Variants in TENM2 observed in about 807,000 individuals in gnomAD.
The protein encoded by TENM2 is teneurin transmembrane protein 2.
TENM2 carries 52 observed loss-of-function variants against 245.2 expected under a neutral mutation model. The observed-to-expected ratio is 0.21, with a 90% CI of 0.17 to 0.27. The LOEUF is 0.27. TENM2 is among the 10% of genes least tolerant of loss of function. The probability of loss-of-function intolerance (pLI) is 1.00; values close to 1 mark genes in which losing one functional copy is unlikely to be tolerated. For synonymous variants in TENM2, 1,363 were observed against 1,438.9 expected, an observed-to-expected ratio of 0.95 and a Z score of 1.19; for missense variants, 3,046 against 3,666.8, an observed-to-expected ratio of 0.83 and a Z score of 4.37.
intron 2 of TENM2, among the ~76,000 whole-genome samples, chr5:167,419,473 TA>T (rs1213946222): frequency 2.0e-5 from 3 of 151,976 alleles, no homozygotes; most frequent in Non-Finnish European, 4.4e-5. Flanking sequence ...AGTAAATAAA[TA>T]AATATAGATA....
chr5:167,327,588 A>T (rs1757165127), intron 1 of TENM2, among the ~76,000 whole-genome samples: 1 of 152,348 alleles, frequency 6.6e-6, no homozygotes, highest in Admixed American at 6.5e-5. Flanking sequence ...CCTTAGAGAC[A>T]GCATGTTCAG....
chr5:167,970,345 T>C (rs1781685891), intron 4 of TENM2, among the ~76,000 whole-genome samples: 1 of 152,206 alleles, frequency 6.6e-6, no homozygotes, highest in Admixed American at 6.5e-5. Context: ...TTTTAAGCTA[T>C]CATCTTCTTT....
chr5:168,214,994 C>T, intron 20 of TENM2, 46 bp from the exon 23 acceptor site: 1 of 1,537,320 alleles, frequency 6.5e-7, no homozygotes, highest in Non-Finnish European at 9.0e-7. Flanking sequence ...AGGAGGCCAG[C>T]TCCATAGCCC....
chr5:167,887,786 A>C (rs992372254), intron 3 of TENM2, among the ~76,000 whole-genome samples: 2 of 152,228 alleles, frequency 1.3e-5, no homozygotes, highest in African/African-American at 4.8e-5. Context: ...ACCACGAACT[A>C]GGTGGCTGAA....
At chr5:168,232,928 T>G (rs1200635201) in intron 25 of TENM2, among the ~76,000 whole-genome samples, 2 of 152,190 alleles carry the variant, frequency 1.3e-5, no homozygotes, top group Non-Finnish European at 1.5e-5. Flanking sequence ...GGGAAGATTT[T>G]CATTATGCCT....
At chr5:167,696,351 C>T (rs1757767415) in intron 2 of TENM2, among the ~76,000 whole-genome samples, 1 of 152,134 alleles carries the variant, frequency 6.6e-6, no homozygotes. Context: ...TCAAAGCCAG[C>T]CAAGGTATAA....
chr5:167,872,347 A>G (rs935185653), intron 2 of TENM2, among the ~76,000 whole-genome samples: 2 of 139,522 alleles, frequency 1.4e-5, no homozygotes, highest in African/African-American at 2.8e-5. Flanking sequence ...AGAAAGAAAG[A>G]AAGAAAGGAA....
intron 2 of TENM2, among the ~76,000 whole-genome samples, chr5:167,673,165 T>G (rs1756077417): frequency 6.6e-6 from 1 of 152,104 alleles, no homozygotes; most frequent in Non-Finnish European, 1.5e-5. Flanking sequence ...TACCTGTAGG[T>G]AAGACTCCAT....
At position 167,609,506 on chromosome 5, in the gene TENM2, AAAAAAAC is replaced by A. The variant is rs1303615824; in HGVS notation, c.502+234038_502+234044del. On this transcript the variant is annotated intron_variant, in intron 2 of 28. Coordinates refer to ENST00000518659, the Ensembl canonical transcript of TENM2. ...GATGATGCAAAAAAAAAAAAAAAAA[AAAAAAAC>A]AAAACCTTACCTAGAAGGTTTTTTA... 4.5e-3 allele frequency among the ~76,000 whole-genome samples: 650 copies of A among 143,892 alleles called. 5 individuals are homozygous for A. The highest frequency in any genetic ancestry group is 7.3e-3 in the Non-Finnish European group (476 of 65,646). 94.4% of individuals were successfully genotyped at this position (143,892 alleles called of 152,430 possible).
At chr5:167,646,834 A>G (rs1780000123) in intron 2 of TENM2, among the ~76,000 whole-genome samples, 1 of 152,230 alleles carries the variant, frequency 6.6e-6, no homozygotes, top group African/African-American at 2.4e-5. Flanking sequence ...CATGAAAAGG[A>G]CGCAGCTATA....
the TENM2 span, among the ~76,000 whole-genome samples, chr5:167,090,976 G>A: frequency 6.6e-6 from 1 of 152,162 alleles, no homozygotes; most frequent in South Asian, 2.1e-4. Context: ...TTTCCCAGCA[G>A]CCAAGGAAGC....
At chr5:168,115,428 GAA>G (rs200687788) in intron 9 of TENM2, among the ~76,000 whole-genome samples, 1 of 130,052 alleles carries the variant, frequency 7.7e-6, no homozygotes, top group South Asian at 2.4e-4. Flanking sequence ...AGGAAGGAAA[GAA>G]AAAAAAAGAA....
At chr5:167,616,958 A>G (rs1215311725) in intron 2 of TENM2, among the ~76,000 whole-genome samples, 1 of 152,100 alleles carries the variant, frequency 6.6e-6, no homozygotes, top group African/African-American at 2.4e-5. Context: ...TGCATTTTGC[A>G]TGTCTACCTC....
intron 5 of TENM2, among the ~76,000 whole-genome samples, chr5:168,031,697 A>AGGGAGGGAG: frequency 9.8e-6 from 1 of 102,486 alleles, no homozygotes; most frequent in African/African-American, 3.7e-5. Flanking sequence ...GGAGCAAGGG[A>AGGGAGGGAG]GGGAGGGAGG....
the TENM2 span, among the ~76,000 whole-genome samples, chr5:167,146,847 A>G: frequency 3.3e-5 from 5 of 152,178 alleles, no homozygotes; most frequent in African/African-American, 1.2e-4. Flanking sequence ...TTGGGGGAAT[A>G]TATGTCCCAC....
At position 167,477,757 on chromosome 5, in the gene TENM2, C is replaced by CA. The variant is rs568651643; in HGVS notation, c.502+102291dup. Among the ~76,000 whole-genome samples, 801 of 150,526 alleles carry CA rather than the reference C, an allele frequency of 5.3e-3. 4 individuals are homozygous for CA. The highest frequency in any genetic ancestry group is 0.017 in the Admixed American group (264 of 15,114). ...TTTCTTCCTTCTCCACTTTGCCCAC[C>CA]AAAAAAATAGAGGATAGATAGATGG... On this transcript the variant is annotated intron_variant, in intron 2 of 28. Coordinates refer to ENST00000518659, the Ensembl canonical transcript of TENM2.
At chr5:168,108,897 G>T (rs530801472) in intron 9 of TENM2, among the ~76,000 whole-genome samples, 1 of 152,232 alleles carries the variant, frequency 6.6e-6, no homozygotes, top group African/African-American at 2.4e-5. Flanking sequence ...CTCCCTGAGG[G>T]TAGCTGGTCC....
the TENM2 span, among the ~76,000 whole-genome samples, chr5:167,188,200 A>T: frequency 1.3e-5 from 2 of 152,160 alleles, no homozygotes; most frequent in Admixed American, 1.3e-4. Context: ...AATTCAGGAT[A>T]ATTGGCAGTC....
At chr5:167,387,897 A>G (rs1226696519) in intron 2 of TENM2, among the ~76,000 whole-genome samples, 4 of 151,968 alleles carry the variant, frequency 2.6e-5, no homozygotes, top group African/African-American at 7.3e-5. Context: ...TATCTTTTTT[A>G]TATGGTGTTG....
Sources: gnomAD v4.1 joint callset for allele counts (sites outside exome capture counted in the v4.1 genomes callset) on GRCh38, gnomAD v4.1.1 for gene constraint, MANE v1.5 for transcripts, NCBI Gene and HGNC (gene_info 2026-07-23, HGNC 2026-07-21) for gene names.